Variants in TACR1 observed in about 807,000 individuals in gnomAD.
TACR1 encodes the protein substance-P receptor.
TACR1 carries 25 observed loss-of-function variants against 35.8 expected under a neutral mutation model. The observed-to-expected ratio is 0.70, with a 90% CI of 0.51 to 0.98. The LOEUF (loss-of-function observed/expected upper bound fraction) is 0.98. TACR1 is among the 50% of genes least tolerant of loss of function. The pLI, the probability that TACR1 is intolerant of heterozygous loss-of-function variation, is 0.00. For missense variants in TACR1, 478 were observed against 522.9 expected, an observed-to-expected ratio of 0.91 and a Z score of 0.84; for synonymous variants, 195 against 206.7, an observed-to-expected ratio of 0.94 and a Z score of 0.48.
intron 2 of TACR1, among the ~76,000 whole-genome samples, chr2:75,094,861 T>TATATATATATATA (rs1558551241): frequency 0.012 from 696 of 60,422 alleles, 7 homozygotes; most frequent in African/African-American, 0.072. Flanking sequence ...ATATATATAT[T>TATATATATATATA]TTTTTTTTTT....
At chr2:75,078,562 C>T (rs1180149960) in intron 2 of TACR1, among the ~76,000 whole-genome samples, 1 of 152,000 alleles carries the variant, frequency 6.6e-6, no homozygotes, top group African/African-American at 2.4e-5. Flanking sequence ...TTCTTCTAGC[C>T]AATATATCCA....
intron 1 of TACR1, among the ~76,000 whole-genome samples, chr2:75,153,794 C>T (rs565224274): frequency 6.6e-6 from 1 of 152,320 alleles, no homozygotes; most frequent in African/African-American, 2.4e-5. Context: ...GTGGTTTTAA[C>T]TCCTGTGTGC....
At chr2:75,185,259 T>C (rs77838309) in intron 1 of TACR1, among the ~76,000 whole-genome samples, 9,263 of 152,070 alleles carry the variant, frequency 0.061, 328 homozygotes, top group Non-Finnish European at 0.08. Flanking sequence ...AAACAACAAC[T>C]AAATTATAAA....
chr2:75,062,175 T>C (rs761794414), intron 2 of TACR1, among the ~76,000 whole-genome samples: 29 of 152,268 alleles, frequency 1.9e-4, no homozygotes, highest in Non-Finnish European at 3.8e-4. Flanking sequence ...ATGAGAGCCT[T>C]CAGGCAAAGA....
chr2:75,097,459 T>G (rs4853105), intron 2 of TACR1, among the ~76,000 whole-genome samples: 1 of 151,842 alleles, frequency 6.6e-6, no homozygotes, highest in Admixed American at 6.6e-5. Context: ...TGACCTAAAC[T>G]TTCTCTTACC....
intron 3 of TACR1, among the ~76,000 whole-genome samples, chr2:75,052,606 C>G (rs940526749): frequency 5.9e-5 from 9 of 151,682 alleles, no homozygotes; most frequent in Admixed American, 3.3e-4. Flanking sequence ...TTTCAAAAAT[C>G]TTGTCAATTT....
Position 75,194,701 on chromosome 2 carries a change from A to T in TACR1, c.389+3845T>A, listed in dbSNP as rs1391647438. ...AATTCCTCTTTTGCCTTCAACCATTACTCTCTCTGGGCAACTATATTTTTT... is the reference window on the plus strand; with the variant it reads ...AATTCCTCTTTTGCCTTCAACCATTTCTCTCTCTGGGCAACTATATTTTTT... On this transcript the variant is annotated intron_variant, in intron 1 of 4. Coordinates refer to ENST00000305249, the MANE Select transcript of TACR1 (RefSeq NM_001058.4). Among the ~76,000 whole-genome samples, 3 of 151,812 alleles carry T rather than the reference A, an allele frequency of 2.0e-5. No individual in the cohort carries two copies. In the East Asian group the frequency reaches 5.8e-4, roughly 29 times the overall value.
chr2:75,134,515 C>T (rs536024778), intron 1 of TACR1, among the ~76,000 whole-genome samples: 11 of 152,226 alleles, frequency 7.2e-5, no homozygotes, highest in African/African-American at 4.8e-5. Flanking sequence ...GACAGGAGGA[C>T]ATTTACGCCT....
intron 1 of TACR1, among the ~76,000 whole-genome samples, chr2:75,137,698 C>T (rs993477706): frequency 2.3e-5 from 3 of 131,792 alleles, no homozygotes; most frequent in African/African-American, 8.6e-5. Flanking sequence ...CGCTGCCCTC[C>T]AGCCTGGGCG....
intron 2 of TACR1, among the ~76,000 whole-genome samples, chr2:75,069,186 G>T (rs1178881664): frequency 1.3e-5 from 2 of 152,130 alleles, no homozygotes; most frequent in African/African-American, 4.8e-5. Context: ...ATGATTGTGA[G>T]GACTTCCCAG....
intron 2 of TACR1, among the ~76,000 whole-genome samples, chr2:75,077,012 C>T (rs1327154353): frequency 6.6e-6 from 1 of 152,056 alleles, no homozygotes; most frequent in African/African-American, 2.4e-5. Flanking sequence ...CTCTTGTTGC[C>T]CAGGCTGGAG....
chr2:75,190,206 C>T (rs1180129308), intron 1 of TACR1, among the ~76,000 whole-genome samples: 1 of 152,152 alleles, frequency 6.6e-6, no homozygotes, highest in Admixed American at 6.5e-5. Context: ...CATTCTCATT[C>T]AGATATTAAA....
chr2:75,151,683 G>T (rs1674674303), intron 1 of TACR1, among the ~76,000 whole-genome samples: 1 of 152,156 alleles, frequency 6.6e-6, no homozygotes, highest in Non-Finnish European at 1.5e-5. Flanking sequence ...AGTTCCTACT[G>T]GGACACTGCC....
chr2:75,107,865 G>GA (rs757418896), intron 2 of TACR1, among the ~76,000 whole-genome samples: 1 of 151,938 alleles, frequency 6.6e-6, no homozygotes, highest in Non-Finnish European at 1.5e-5. Flanking sequence ...ATTAAAGAAT[G>GA]AAAGGCAATA....
Position 75,048,602 on chromosome 2 carries a change from C to T in TACR1, c.*830G>A, listed in dbSNP as rs1181128976. 1 of 151,734 alleles carries T rather than the reference C, an allele frequency of 6.6e-6. No homozygotes were observed. Among genetic ancestry groups the T allele is most frequent in the Non-Finnish European group, 1.5e-5 (1 of 67,914 alleles). The allele number at this position is 151,734 out of a possible 1,614,324, so 9.4% of individuals were successfully genotyped here. A position where few individuals can be genotyped will look rare whatever the true frequency, so the allele number is the denominator to read the frequency against. On this transcript the variant is annotated 3_prime_UTR_variant, in exon 5 of 5. Coordinates refer to ENST00000305249, the MANE Select transcript of TACR1 (RefSeq NM_001058.4). ...GTTTTGTTTTTTTTTGTAAAACAAA[C>T]AAAAAACTCATACAATCCTTGAACC...
chr2:75,134,975 G>A (rs1189216700), intron 1 of TACR1, among the ~76,000 whole-genome samples: 1 of 152,194 alleles, frequency 6.6e-6, no homozygotes, highest in Non-Finnish European at 1.5e-5. Context: ...AGGAATACAT[G>A]AAAGTTGCTG....
chr2:75,108,664 G>T (rs1328243545), intron 2 of TACR1, among the ~76,000 whole-genome samples: 1 of 152,006 alleles, frequency 6.6e-6, no homozygotes, highest in Non-Finnish European at 1.5e-5. Context: ...GAAATAAGAG[G>T]CATAACCACT....
intron 2 of TACR1, among the ~76,000 whole-genome samples, chr2:75,080,022 A>G (rs1031201777): frequency 6.6e-6 from 1 of 152,194 alleles, no homozygotes; most frequent in South Asian, 2.1e-4. Context: ...TCCACAGATC[A>G]TAGCACTAGA....
chr2:75,137,728 C>CAAAAAAAA (rs11326632), intron 1 of TACR1, among the ~76,000 whole-genome samples: 30 of 47,514 alleles, frequency 6.3e-4, no homozygotes, highest in East Asian at 2.0e-3. Context: ...GTCTCCGTCT[C>CAAAAAAAA]AAAAAAAAAA....
Sources: gnomAD v4.1 joint callset for allele counts (sites outside exome capture counted in the v4.1 genomes callset) on GRCh38, gnomAD v4.1.1 for gene constraint, MANE v1.5 for transcripts, NCBI Gene and HGNC (gene_info 2026-07-23, HGNC 2026-07-21) for gene names.